The following ABCD2 variants were observed in gnomAD, a reference collection of about 807,000 sequenced individuals.
ABCD2 encodes ATP-binding cassette sub-family D member 2.
In ABCD2, 36 loss-of-function variants were observed where a neutral mutation model predicts 70.9. The ratio of observed to expected loss-of-function variants is 0.51; its 90% CI spans 0.39 to 0.67. The LOEUF is 0.67. Among genes scored for constraint, ABCD2 ranks in the 30% least tolerant of loss-of-function variants. The pLI is 0.00. For missense variants in ABCD2, 729 were observed against 890.2 expected (o/e 0.82, Z 2.30); for synonymous variants, 304 against 306.9 (o/e 0.99, Z 0.10).
At chr12:39,535,434 T>C in the ABCD2 span, among the ~76,000 whole-genome samples, 2 of 152,192 alleles carry the variant, frequency 1.3e-5, no homozygotes, top group South Asian at 4.1e-4. Flanking sequence ...AAAAGACATA[T>C]GTGAGGGCAA....
the ABCD2 span, among the ~76,000 whole-genome samples, chr12:39,538,138 A>C: frequency 6.6e-6 from 1 of 151,074 alleles, no homozygotes; most frequent in African/African-American, 2.4e-5. Context: ...GGCCACTCCC[A>C]CACTGTGGAG....
At chr12:39,613,940 G>A (rs1320265150) in intron 2 of ABCD2, among the ~76,000 whole-genome samples, 2 of 152,064 alleles carry the variant, frequency 1.3e-5, no homozygotes, top group Admixed American at 6.5e-5. Flanking sequence ...AAAATTATGC[G>A]GGTTCTTCCT....
chr12:39,567,574 C>A (rs966277270), intron 9 of ABCD2, among the ~76,000 whole-genome samples: 1 of 152,108 alleles, frequency 6.6e-6, no homozygotes, highest in Non-Finnish European at 1.5e-5. Context: ...TGAGTCTTGA[C>A]TCTTTATCCA....
chr12:39,588,032 G>C (rs559612730), intron 6 of ABCD2, among the ~76,000 whole-genome samples: 1 of 152,240 alleles, frequency 6.6e-6, no homozygotes, highest in Non-Finnish European at 1.5e-5. Flanking sequence ...GATTGGTTAC[G>C]TAAGTAAATG....
At chr12:39,531,169 G>A in the ABCD2 span, among the ~76,000 whole-genome samples, 4 of 152,284 alleles carry the variant, frequency 2.6e-5, no homozygotes, top group East Asian at 1.9e-4. Flanking sequence ...GTGGGGGTAG[G>A]AGGGTTGCAT....
chr12:39,586,017 A>C, intron 7 of ABCD2, 135 bp downstream of exon 7: 1 of 757,296 alleles, frequency 1.3e-6, no homozygotes, highest in Non-Finnish European at 2.0e-6. Flanking sequence ...AACAGCAATA[A>C]AACTCCATCT....
At chr12:39,591,497 A>T (rs1210833252) in intron 6 of ABCD2, among the ~76,000 whole-genome samples, 1 of 152,138 alleles carries the variant, frequency 6.6e-6, no homozygotes, top group Non-Finnish European at 1.5e-5. Flanking sequence ...GAATCACCTG[A>T]GGTCAGAAGT....
At chr12:39,576,679 G>A (rs186217471) in intron 8 of ABCD2, among the ~76,000 whole-genome samples, 2 of 152,272 alleles carry the variant, frequency 1.3e-5, no homozygotes, top group Non-Finnish European at 2.9e-5. Context: ...TTTAGTGTGT[G>A]ATTTAATTTA....
At position 39,554,574 on chromosome 12, in the gene ABCD2, C is replaced by G. The variant is rs577844132; in HGVS notation, c.2004-443G>C. 5.9e-5 allele frequency among the ~76,000 whole-genome samples: 9 copies of G among 152,180 alleles called. No homozygotes were observed. In the South Asian group the frequency reaches 1.9e-3, roughly 32 times the overall value. On this transcript the variant is annotated intron_variant, in intron 9 of 9. Coordinates refer to ENST00000308666, the MANE Select transcript of ABCD2 (RefSeq NM_005164.4). ...ATACACCATCCTTTGGGAATGAGTT[C>G]TTCTGCATAAGTAAAATTTTCTCAA...
At chr12:39,547,440 G>A (rs113482522), downstream of ABCD2, among the ~76,000 whole-genome samples, 170 of 152,198 alleles carry the variant, frequency 1.1e-3, no homozygotes, top group African/African-American at 4.0e-3. Context: ...AAATGATTAG[G>A]CAAAATATGG....
At chr12:39,591,656 G>A (rs947202576) in intron 6 of ABCD2, among the ~76,000 whole-genome samples, 1 of 152,148 alleles carries the variant, frequency 6.6e-6, no homozygotes, top group African/African-American at 2.4e-5. Context: ...AGGTTGCAGT[G>A]AGCCAAGATT....
At chr12:39,536,960 G>C in the ABCD2 span, among the ~76,000 whole-genome samples, 7 of 152,040 alleles carry the variant, frequency 4.6e-5, no homozygotes, top group African/African-American at 1.7e-4. Flanking sequence ...GACTAATACT[G>C]GACTCCCCAG....
chr12:39,576,923 G>A (rs1941525912), intron 8 of ABCD2, among the ~76,000 whole-genome samples: 1 of 151,926 alleles, frequency 6.6e-6, no homozygotes, highest in South Asian at 2.1e-4. Flanking sequence ...ATAACAATAA[G>A]CCCTGGTTAA....
At chr12:39,541,022 A>G in the ABCD2 span, among the ~76,000 whole-genome samples, 1 of 152,256 alleles carries the variant, frequency 6.6e-6, no homozygotes, top group Non-Finnish European at 1.5e-5. Flanking sequence ...CTGTTTTCAT[A>G]AACAATTGAA....
the ABCD2 span, among the ~76,000 whole-genome samples, chr12:39,538,754 CG>C: frequency 6.6e-6 from 1 of 152,170 alleles, no homozygotes; most frequent in African/African-American, 2.4e-5. Flanking sequence ...CAACAGGGTG[CG>C]TCAGCAAGAT....
chr12:39,596,986 A>AT (rs1439213999), intron 6 of ABCD2, among the ~76,000 whole-genome samples: 3 of 152,012 alleles, frequency 2.0e-5, no homozygotes, highest in African/African-American at 2.4e-5. Flanking sequence ...TGTTTGTATG[A>AT]TTTTTTATGG....
chr12:39,607,444 C>G (rs1439375595), intron 3 of ABCD2, among the ~76,000 whole-genome samples, 155 bp downstream of exon 3: 2 of 152,160 alleles, frequency 1.3e-5, no homozygotes, highest in Non-Finnish European at 2.9e-5. Context: ...CAGCATTACA[C>G]TTGTGAATTG....
chr12:39,614,930 A>G (rs1942095986), intron 2 of ABCD2, among the ~76,000 whole-genome samples: 3 of 152,036 alleles, frequency 2.0e-5, no homozygotes, highest in Non-Finnish European at 4.4e-5. Context: ...TTCTCTATAT[A>G]AAAATTTTCT....
chr12:39,567,564 T>C (rs1941373283), intron 9 of ABCD2, among the ~76,000 whole-genome samples: 1 of 152,230 alleles, frequency 6.6e-6, no homozygotes, highest in African/African-American at 2.4e-5. Context: ...AGCACACTGA[T>C]GAGTCTTGAC....
Sources: gnomAD v4.1 joint callset for allele counts (sites outside exome capture counted in the v4.1 genomes callset) on GRCh38, gnomAD v4.1.1 for gene constraint, MANE v1.5 for transcripts, NCBI Gene and HGNC (gene_info 2026-07-23, HGNC 2026-07-21) for gene names.